The following GALNT12 variants were observed in gnomAD, a reference collection of about 807,000 sequenced individuals.
GALNT12 encodes UDP-GalNAc:polypeptide N-acetylgalactosaminyltransferase 12.
Under a neutral mutation model 55.5 loss-of-function variants are expected in GALNT12, and 45 were observed. The ratio of observed to expected loss-of-function variants is 0.81; its 90% CI spans 0.64 to 1.04. GALNT12 has a LOEUF of 1.04. GALNT12 is among the 50% of genes least tolerant of loss of function. The probability of loss-of-function intolerance (pLI) is 0.00; values close to 1 mark genes in which losing one functional copy is unlikely to be tolerated. For synonymous variants in GALNT12, 304 were observed against 312.2 expected, an observed-to-expected ratio of 0.97 and a Z score of 0.28; for missense variants, 709 against 754.8, an observed-to-expected ratio of 0.94 and a Z score of 0.71.
At chr9:98,828,603 G>A (rs1835917148) in intron 3 of GALNT12, among the ~76,000 whole-genome samples, 1 of 152,218 alleles carries the variant, frequency 6.6e-6, no homozygotes, top group African/African-American at 2.4e-5. Context: ...CATGCCTGTG[G>A]AAGAGGGGAT....
At chr9:98,816,228 T>G (rs953884216) in intron 1 of GALNT12, among the ~76,000 whole-genome samples, 12 of 152,190 alleles carry the variant, frequency 7.9e-5, no homozygotes, top group Non-Finnish European at 1.5e-4. Context: ...TATGTTGATA[T>G]GAGATCAAAG....
At position 98,849,400 on chromosome 9, in the gene GALNT12, A is replaced by G; in HGVS notation, c.*308A>G. On this transcript the variant is annotated 3_prime_UTR_variant, in exon 10 of 10. Coordinates refer to ENST00000375011, the MANE Select transcript of GALNT12 (RefSeq NM_024642.5). ...ATTTTTCTATCAAGATGTATATTTT[A>G]CAGTCGTGCCTTTTACTCTCATTAG... 1.8e-6 allele frequency: 1 copy of G among 564,284 alleles called. No individual in the cohort carries two copies. The highest frequency in any genetic ancestry group is 3.1e-6 in the Non-Finnish European group (1 of 321,730). The allele number at this position is 564,284 out of a possible 1,614,324, so 35.0% of individuals were successfully genotyped here. A position where few individuals can be genotyped will look rare whatever the true frequency, so the allele number is the denominator to read the frequency against.
chr9:98,830,130 C>T (rs1250100774), intron 3 of GALNT12, among the ~76,000 whole-genome samples: 1 of 152,184 alleles, frequency 6.6e-6, no homozygotes, highest in African/African-American at 2.4e-5. Context: ...TTTTTAAACA[C>T]ACCAATGCCT....
intron 9 of GALNT12, among the ~76,000 whole-genome samples, chr9:98,847,646 T>C (rs1318660593): frequency 1.3e-5 from 2 of 152,156 alleles, no homozygotes; most frequent in African/African-American, 2.4e-5. Flanking sequence ...TTGATTCATA[T>C]GTGAAAAGGA....
rs1353322289 is a variant in GALNT12 at position 98,815,980 on chromosome 9, T to G, written c.372-7276T>G. On this transcript the variant is annotated intron_variant, in intron 1 of 9. Coordinates refer to ENST00000375011, the MANE Select transcript of GALNT12 (RefSeq NM_024642.5). ...TTATTTTGTTGTTTTACGTGGTGCC[T>G]CTCATGTAGTAAACACTCAACAAAG... Among the ~76,000 whole-genome samples, 12 of 152,326 alleles carry G rather than the reference T, an allele frequency of 7.9e-5. No individual in the cohort carries two copies. In the East Asian group the frequency reaches 2.3e-3, roughly 29 times the overall value.
chr9:98,840,903 C>T (rs1258129187), intron 7 of GALNT12, among the ~76,000 whole-genome samples: 1 of 152,196 alleles, frequency 6.6e-6, no homozygotes, highest in Non-Finnish European at 1.5e-5. Context: ...TCATTTCTCT[C>T]CTCTGCATTT....
At chr9:98,836,843 C>T (rs1050178007) in intron 5 of GALNT12, 129 bp from the exon 6 acceptor site, 11 of 985,362 alleles carry the variant, frequency 1.1e-5, no homozygotes, top group African/African-American at 4.8e-5. Context: ...GCCTCCTGCC[C>T]GATGGAGGCT....
intron 3 of GALNT12, 83 bp downstream of exon 3, chr9:98,827,024 G>A (rs910000060): frequency 1.4e-6 from 2 of 1,414,036 alleles, no homozygotes; most frequent in Non-Finnish European, 1.9e-6. Context: ...CGTCACTTGA[G>A]GGTTAACGGG....
At position 98,811,512 on chromosome 9, in the gene GALNT12, C is replaced by T. The variant is rs537836674; in HGVS notation, c.371+3443C>T. On this transcript the variant is annotated intron_variant, in intron 1 of 9. Coordinates refer to ENST00000375011, the MANE Select transcript of GALNT12 (RefSeq NM_024642.5). ...GAATCCCATATGTGTGAACACCAGC[C>T]ATTCTCTACCAGGGCAGAAGAACTG... 4.6e-5 allele frequency among the ~76,000 whole-genome samples: 7 copies of T among 152,214 alleles called. No homozygotes were observed. The South Asian group carries it at 1.2e-3, about 27-fold the overall frequency.
rs761631783 is a variant in GALNT12, at chr9:98,849,010, C to T, written c.1664C>T (p.Ser555Leu). The T allele has an allele frequency of 5.0e-6, 8 of 1,613,966 alleles. No individual in the cohort carries two copies. The highest frequency in any genetic ancestry group is 6.8e-6 in the Non-Finnish European group (8 of 1,179,960). Residue 555 changes from serine (S) to leucine (L), a missense_variant, in exon 10 of 10, where the codon TCG (serine) becomes TTG (leucine). Ser to Leu is a moderately radical substitution (Grantham distance 145, BLOSUM62 -2). Around this residue, in one of 5 missense-constraint regions of GALNT12, gnomAD observed 262 missense variants for 310.7 expected, o/e 0.84. Coordinates refer to ENST00000375011, the MANE Select transcript of GALNT12 (RefSeq NM_024642.5). ...TGTGTCCAGGCTGCGAGGAAGGAGT[C>T]GAGTGACAGTTTCGTTCCACTCTTA... ...KKCVQAARKE[S>L]SDSFVPLLRD...
In GALNT12 at chr9:98,836,604, C is replaced by T. The variant is rs1056097750; in HGVS notation, c.1036-368C>T. 4.6e-5 allele frequency among the ~76,000 whole-genome samples: 7 copies of T among 152,176 alleles called. 1 individual carries two copies. The South Asian group carries it at 1.2e-3, about 27-fold the overall frequency. ...TTCCCCCTTCCAAACCTCTTTTCTT[C>T]CTTGCTGCTTTCCTATCTTCTGTGG... is the stretch of plus-strand genomic sequence containing the variant. On this transcript the variant is annotated intron_variant, in intron 5 of 9. Coordinates refer to ENST00000375011, the MANE Select transcript of GALNT12 (RefSeq NM_024642.5).
At chr9:98,828,094 C>T (rs531950527) in intron 3 of GALNT12, among the ~76,000 whole-genome samples, 2 of 152,344 alleles carry the variant, frequency 1.3e-5, no homozygotes, top group African/African-American at 2.4e-5. Context: ...TGCTTGGCCT[C>T]CCCGCTGTGG....
intron 2 of GALNT12, among the ~76,000 whole-genome samples, chr9:98,824,773 C>T (rs1835822134): frequency 6.6e-6 from 1 of 152,212 alleles, no homozygotes; most frequent in African/African-American, 2.4e-5. Context: ...GGTCTGTCCA[C>T]ACCTATCTCA....
At chr9:98,814,284 A>C (rs930294592) in intron 1 of GALNT12, among the ~76,000 whole-genome samples, 14 of 152,242 alleles carry the variant, frequency 9.2e-5, no homozygotes, top group South Asian at 4.1e-4. Context: ...ACAGTGAAGA[A>C]AGGAGAAAGG....
chr9:98,846,315 C>T (rs575599270), intron 9 of GALNT12, among the ~76,000 whole-genome samples, 192 bp downstream of exon 9: 9 of 152,204 alleles, frequency 5.9e-5, no homozygotes, highest in African/African-American at 1.9e-4. Context: ...AGATTGGAGT[C>T]CCCTGGCACA....
intron 3 of GALNT12, among the ~76,000 whole-genome samples, chr9:98,829,400 G>T (rs1835942161): frequency 6.6e-6 from 1 of 151,866 alleles, no homozygotes; most frequent in Non-Finnish European, 1.5e-5. Flanking sequence ...TGTTGGCCAG[G>T]CTGGTGTAAA....
intron 3 of GALNT12, among the ~76,000 whole-genome samples, chr9:98,831,168 A>G (rs1420624100): frequency 6.6e-6 from 1 of 152,220 alleles, no homozygotes; most frequent in African/African-American, 2.4e-5. Context: ...ATATTTCACA[A>G]TAACAAACAT....
rs1588449751 is a variant in GALNT12 at position 98,831,720 on chromosome 9, C to T, written c.732-52C>T. On this transcript the variant is annotated intron_variant, in intron 3 of 9. Coordinates refer to ENST00000375011, the MANE Select transcript of GALNT12 (RefSeq NM_024642.5). ...CACCCTTGAATTTCCCAATTGTCTT[C>T]CTGCTGCCCGTCTGCATAGGAGAGA... 2.5e-6 allele frequency: 4 copies of T among 1,605,572 alleles called. No homozygotes were observed. In the Admixed American group the frequency reaches 5.0e-5, roughly 20 times the overall value.
chr9:98,843,998 G>C, intron 7 of GALNT12, 98 bp from the exon 8 acceptor site: 1 of 802,592 alleles, frequency 1.2e-6, no homozygotes, highest in South Asian at 1.4e-5. Flanking sequence ...TCTTGAAGCA[G>C]GCTCTCCTCT....
Sources: gnomAD v4.1 joint callset for allele counts (sites outside exome capture counted in the v4.1 genomes callset) on GRCh38, gnomAD v4.1.1 for gene constraint, gnomAD v4.1.1 regional missense constraint, MANE v1.5 for transcripts, NCBI Gene and HGNC (gene_info 2026-07-23, HGNC 2026-07-21) for gene names.